The following TNFSF4 variants were observed in gnomAD, a reference collection of about 807,000 sequenced individuals.
TNFSF4 encodes TNF superfamily member 4.
TNFSF4 carries 4 observed loss-of-function variants against 7.3 expected under a neutral mutation model. The ratio of observed to expected loss-of-function variants is 0.55; its 90% CI spans 0.27 to 1.25. TNFSF4 has a LOEUF of 1.25. Ranked by LOEUF, TNFSF4 falls within the 50% of genes most tolerant of loss-of-function variation. TNFSF4 has a pLI of 0.12. For missense variants in TNFSF4, 181 were observed against 208.8 expected (o/e 0.87, Z 0.82); for synonymous variants, 76 against 83.7 (o/e 0.91, Z 0.50).
the TNFSF4 span, among the ~76,000 whole-genome samples, chr1:173,371,396 A>C: frequency 2.6e-5 from 4 of 152,282 alleles, no homozygotes; most frequent in Non-Finnish European, 4.4e-5. Context: ...ATGAGGAAAA[A>C]GTTACCCATT....
chr1:173,440,054 T>A, the TNFSF4 span, among the ~76,000 whole-genome samples: 7 of 152,176 alleles, frequency 4.6e-5, no homozygotes, highest in African/African-American at 1.7e-4. Flanking sequence ...ATTCAGAGAA[T>A]CCCTTTCTAC....
chr1:173,209,234 A>C (rs1044131173), upstream of TNFSF4, among the ~76,000 whole-genome samples: 1 of 152,104 alleles, frequency 6.6e-6, no homozygotes, highest in Non-Finnish European at 1.5e-5. Flanking sequence ...AGCTCTTCAC[A>C]TTCTTTGTGG....
chr1:173,215,072 G>A, the TNFSF4 span, among the ~76,000 whole-genome samples: 3 of 152,164 alleles, frequency 2.0e-5, no homozygotes, highest in South Asian at 2.1e-4. Context: ...GAAAGTAGTC[G>A]AGTCATGAGG....
At chr1:173,196,791 A>G (rs1461620744) in intron 1 of TNFSF4, among the ~76,000 whole-genome samples, 8 of 152,182 alleles carry the variant, frequency 5.3e-5, no homozygotes, top group Non-Finnish European at 1.2e-4. Flanking sequence ...CCCTTCCCAC[A>G]TACAACTGAG....
chr1:173,362,492 C>T, the TNFSF4 span: 1 of 540,646 alleles, frequency 1.8e-6, no homozygotes, highest in Non-Finnish European at 3.7e-6. Flanking sequence ...TCCAGCTGGG[C>T]TTGGTATTTT....
the TNFSF4 span, among the ~76,000 whole-genome samples, chr1:173,322,004 C>T: frequency 6.6e-6 from 1 of 152,156 alleles, no homozygotes. Flanking sequence ...GCTATAAAGG[C>T]CCATGCACAC....
At chr1:173,347,656 G>T in the TNFSF4 span, among the ~76,000 whole-genome samples, 25 of 151,884 alleles carry the variant, frequency 1.6e-4, no homozygotes, top group Admixed American at 1.3e-3. Flanking sequence ...TGTGTACAGG[G>T]TTATCAGGGA....
chr1:173,289,168 A>G, the TNFSF4 span, among the ~76,000 whole-genome samples: 1 of 152,170 alleles, frequency 6.6e-6, no homozygotes, highest in African/African-American at 2.4e-5. Flanking sequence ...AAAAGGCTCT[A>G]AACCTCTAAA....
At chr1:173,278,658 T>C in the TNFSF4 span, among the ~76,000 whole-genome samples, 1 of 152,042 alleles carries the variant, frequency 6.6e-6, no homozygotes, top group Non-Finnish European at 1.5e-5. Context: ...TATATAAACA[T>C]AGAATAAACT....
At chr1:173,173,754 C>T in the TNFSF4 span, among the ~76,000 whole-genome samples, 1 of 152,344 alleles carries the variant, frequency 6.6e-6, no homozygotes, top group South Asian at 2.1e-4. Flanking sequence ...GCAGCTGGGA[C>T]ACAGGGCACC....
the TNFSF4 span, among the ~76,000 whole-genome samples, chr1:173,389,522 C>T: frequency 6.6e-6 from 1 of 152,024 alleles, no homozygotes; most frequent in East Asian, 1.9e-4. Context: ...CAGTGAAGGG[C>T]CTCCACATAC....
the TNFSF4 span, among the ~76,000 whole-genome samples, chr1:173,232,197 T>G: frequency 6.6e-6 from 1 of 152,156 alleles, no homozygotes; most frequent in African/African-American, 2.4e-5. Flanking sequence ...CCTTGTAAGT[T>G]GGATTCCTAG....
chr1:173,384,024 G>GGT, the TNFSF4 span, among the ~76,000 whole-genome samples: 1 of 152,148 alleles, frequency 6.6e-6, no homozygotes, highest in Admixed American at 6.5e-5. Flanking sequence ...TTTTCTGGTA[G>GGT]GTGTGGGGAT....
upstream of TNFSF4, among the ~76,000 whole-genome samples, chr1:173,210,265 A>G (rs1256212936): frequency 6.6e-6 from 1 of 152,190 alleles, no homozygotes; most frequent in Non-Finnish European, 1.5e-5. Context: ...CGGAATCTCC[A>G]CAACCTGGAA....
chr1:173,423,102 A>G, the TNFSF4 span, among the ~76,000 whole-genome samples: 1 of 151,926 alleles, frequency 6.6e-6, no homozygotes, highest in Non-Finnish European at 1.5e-5. Context: ...CTTACATGTT[A>G]TATCTTAATT....
the TNFSF4 span, among the ~76,000 whole-genome samples, chr1:173,422,191 GTTA>G: frequency 1.2e-3 from 181 of 152,228 alleles, no homozygotes; most frequent in Non-Finnish European, 1.9e-4. Flanking sequence ...GTGAGCTAGT[GTTA>G]TTATTAACAC....
At chr1:173,326,110 A>G in the TNFSF4 span, among the ~76,000 whole-genome samples, 1 of 152,218 alleles carries the variant, frequency 6.6e-6, no homozygotes, top group Non-Finnish European at 1.5e-5. Flanking sequence ...TGATGCAAAA[A>G]TCCTCAATAA....
chr1:173,349,236 G>A, the TNFSF4 span, among the ~76,000 whole-genome samples: 1 of 151,964 alleles, frequency 6.6e-6, no homozygotes, highest in Non-Finnish European at 1.5e-5. Flanking sequence ...CACCACGTTA[G>A]CCAGGATGGT....
the TNFSF4 span, among the ~76,000 whole-genome samples, chr1:173,407,677 TAC>T: frequency 2.7e-5 from 4 of 149,822 alleles, no homozygotes; most frequent in African/African-American, 9.8e-5. Flanking sequence ...TCCTGTAATA[TAC>T]AGATATAAAA....
Sources: allele counts gnomAD v4.1 joint callset (sites outside exome capture counted in the v4.1 genomes callset), GRCh38; gene constraint gnomAD v4.1.1; transcripts MANE v1.5; gene names NCBI Gene and HGNC (gene_info 2026-07-23, HGNC 2026-07-21).